The following MBOAT1 variants were observed in gnomAD, a reference collection of about 807,000 sequenced individuals.
MBOAT1 encodes the protein membrane bound glycerophospholipid O-acyltransferase 1.
In MBOAT1, 67 loss-of-function variants were observed where a neutral mutation model predicts 64.4. The ratio of observed to expected loss-of-function variants is 1.04; its 90% CI spans 0.85 to 1.27. The LOEUF is 1.27. Among genes scored for constraint, MBOAT1 ranks in the 50% most tolerant of loss-of-function variants. The pLI, the probability that MBOAT1 is intolerant of heterozygous loss-of-function variation, is 0.00. For missense variants in MBOAT1, 563 were observed against 604.6 expected, an observed-to-expected ratio of 0.93 and a Z score of 0.72; for synonymous variants, 229 against 218.9, an observed-to-expected ratio of 1.05 and a Z score of -0.41.
chr6:20,125,768 A>G (rs1174879450), intron 7 of MBOAT1: 1 of 331,834 alleles, frequency 3.0e-6, no homozygotes, highest in Non-Finnish European at 5.8e-6. Flanking sequence ...TACCTAATTA[A>G]TAAATCCCTT....
At chr6:20,176,656 C>G (rs1762350350) in intron 1 of MBOAT1, among the ~76,000 whole-genome samples, 2 of 152,190 alleles carry the variant, frequency 1.3e-5, no homozygotes, top group African/African-American at 4.8e-5. Flanking sequence ...GACAGTCTCA[C>G]TCTGTCGCCC....
intron 1 of MBOAT1, among the ~76,000 whole-genome samples, chr6:20,208,127 G>C (rs756717377): frequency 6.6e-6 from 1 of 152,144 alleles, no homozygotes; most frequent in Non-Finnish European, 1.5e-5. Context: ...GAAGCAACCA[G>C]GACTGACAGA....
chr6:20,154,330 G>C (rs2113698921), intron 1 of MBOAT1, among the ~76,000 whole-genome samples: 1 of 152,252 alleles, frequency 6.6e-6, no homozygotes, highest in Admixed American at 6.5e-5. Flanking sequence ...TCAGGAGTTT[G>C]AGACCAGACT....
chr6:20,168,666 A>AG, intron 1 of MBOAT1, among the ~76,000 whole-genome samples: 1 of 117,984 alleles, frequency 8.5e-6, no homozygotes, highest in African/African-American at 3.5e-5. Flanking sequence ...GGAAAGAGAG[A>AG]AAGAGAGAGA....
chr6:20,109,571 T>C (rs1760060154), intron 12 of MBOAT1, 27 bp downstream of exon 12: 1 of 1,600,640 alleles, frequency 6.2e-7, no homozygotes, highest in Non-Finnish European at 8.5e-7. Flanking sequence ...ATTTACGAGA[T>C]GGCAACTGAG....
At chr6:20,125,965 AT>A (rs1223460658) in intron 7 of MBOAT1, 1 of 364,786 alleles carries the variant, frequency 2.7e-6, no homozygotes, top group Admixed American at 4.2e-5. Flanking sequence ...TCAATGAGTT[AT>A]TCTAATATTG....
At chr6:20,120,006 C>CGTGTGTGTGTGT (rs10630791) in intron 8 of MBOAT1, among the ~76,000 whole-genome samples, 22 of 150,738 alleles carry the variant, frequency 1.5e-4, no homozygotes, top group African/African-American at 3.4e-4. Context: ...TGTGTGTGTG[C>CGTGTGTGTGTGT]GTGTGTGTGT....
intron 6 of MBOAT1, among the ~76,000 whole-genome samples, chr6:20,127,805 G>A (rs954827222): frequency 6.6e-6 from 1 of 151,940 alleles, no homozygotes; most frequent in Non-Finnish European, 1.5e-5. Flanking sequence ...TAAATGTAAG[G>A]CCCTCCTGAA....
rs1554116204 is a variant in MBOAT1, at chr6:20,119,998, T to TGTGTGTGC, written c.908-1466_908-1459dup. On this transcript the variant is annotated intron_variant, in intron 8 of 12. Coordinates refer to ENST00000324607, the MANE Select transcript of MBOAT1 (RefSeq NM_001080480.3). ...ATGATAACTATCTTTTCTGTGTGTG[T>TGTGTGTGC]GTGTGTGCGTGTGTGTGTGTGTGTG... Among the ~76,000 whole-genome samples, 291 of 54,392 alleles carry TGTGTGTGC rather than the reference T, an allele frequency of 5.4e-3. 1 individual carries two copies. The highest frequency in any genetic ancestry group is 0.016 in the African/African-American group (283 of 17,506). The allele number at this position is 54,392 out of a possible 152,430, so 35.7% of individuals were successfully genotyped here.
chr6:20,163,954 T>A (rs983133479), intron 1 of MBOAT1, among the ~76,000 whole-genome samples: 1 of 152,090 alleles, frequency 6.6e-6, no homozygotes, highest in Non-Finnish European at 1.5e-5. Flanking sequence ...TTTACAACCT[T>A]GACCGGGGCC....
chr6:20,207,569 G>T (rs749187366), intron 1 of MBOAT1, among the ~76,000 whole-genome samples: 1 of 151,924 alleles, frequency 6.6e-6, no homozygotes, highest in African/African-American at 2.4e-5. Context: ...ATTTTAAAGG[G>T]TTAAAAAAAA....
At chr6:20,127,247 T>C (rs950359371) in intron 6 of MBOAT1, among the ~76,000 whole-genome samples, 4 of 152,138 alleles carry the variant, frequency 2.6e-5, no homozygotes, top group Admixed American at 2.6e-4. Flanking sequence ...ACCAAGGTAG[T>C]GGAGGGAAAA....
chr6:20,117,709 C>T (rs968675923), intron 9 of MBOAT1, among the ~76,000 whole-genome samples: 4 of 152,202 alleles, frequency 2.6e-5, no homozygotes, highest in African/African-American at 9.7e-5. Context: ...AGGTGGAAAA[C>T]CAAAACCAAC....
chr6:20,178,683 G>A (rs1381968849), intron 1 of MBOAT1, among the ~76,000 whole-genome samples: 1 of 152,114 alleles, frequency 6.6e-6, no homozygotes, highest in Non-Finnish European at 1.5e-5. Flanking sequence ...AAATATGACG[G>A]TCCTTCCAGG....
intron 1 of MBOAT1, among the ~76,000 whole-genome samples, chr6:20,170,161 C>G (rs1315510657): frequency 6.6e-6 from 1 of 152,170 alleles, no homozygotes; most frequent in Non-Finnish European, 1.5e-5. Context: ...TAGGGGCCAT[C>G]CCAGGCCAGT....
intron 11 of MBOAT1, among the ~76,000 whole-genome samples, chr6:20,110,787 C>A (rs1760115237): frequency 6.6e-6 from 1 of 152,042 alleles, no homozygotes; most frequent in African/African-American, 2.4e-5. Flanking sequence ...AAATATTAAT[C>A]TCCAGTATAA....
chr6:20,209,191 C>A (rs1307386631), intron 1 of MBOAT1, among the ~76,000 whole-genome samples: 1 of 152,190 alleles, frequency 6.6e-6, no homozygotes, highest in Admixed American at 6.5e-5. Flanking sequence ...TTTCAACAAC[C>A]TTATCTTTGA....
At chr6:20,198,205 G>A (rs1328755750) in intron 1 of MBOAT1, among the ~76,000 whole-genome samples, 1 of 149,432 alleles carries the variant, frequency 6.7e-6, no homozygotes, top group African/African-American at 2.5e-5. Context: ...TCCATCCTGG[G>A]CAACAGGGCA....
chr6:20,111,495 G>A (rs965139320), intron 11 of MBOAT1, among the ~76,000 whole-genome samples: 3 of 151,956 alleles, frequency 2.0e-5, no homozygotes, highest in Non-Finnish European at 2.9e-5. Flanking sequence ...TACCTAATTC[G>A]TTTGCGAATA....
Sources: allele counts gnomAD v4.1 joint callset (sites outside exome capture counted in the v4.1 genomes callset), GRCh38; gene constraint gnomAD v4.1.1; transcripts MANE v1.5; gene names NCBI Gene and HGNC (gene_info 2026-07-23, HGNC 2026-07-21).